Variants in MGLL observed in about 807,000 individuals in gnomAD.
The protein encoded by MGLL is lysophospholipase homolog.
A neutral mutation model predicts 29.1 loss-of-function variants in MGLL; 7 were observed. The observed-to-expected ratio is 0.24, with a 90% confidence interval of 0.14 to 0.45. The LOEUF (loss-of-function observed/expected upper bound fraction) is 0.45. Among genes scored for constraint, MGLL ranks in the 20% least tolerant of loss-of-function variants. The probability of loss-of-function intolerance (pLI) is 0.99; values close to 1 mark genes in which losing one functional copy is unlikely to be tolerated. For synonymous variants in MGLL, 148 were observed against 168.3 expected (o/e 0.88, Z 0.93); for missense variants, 356 against 413.6 (o/e 0.86, Z 1.21).
chr3:127,785,579 C>T (rs1161311801), intron 2 of MGLL, among the ~76,000 whole-genome samples: 1 of 152,238 alleles, frequency 6.6e-6, no homozygotes, highest in Admixed American at 6.5e-5. Context: ...CAAAGTTCAG[C>T]CAGAACAACC....
At chr3:127,806,069 C>T (rs2077559492) in intron 2 of MGLL, among the ~76,000 whole-genome samples, 1 of 152,232 alleles carries the variant, frequency 6.6e-6, no homozygotes, top group Non-Finnish European at 1.5e-5. Context: ...CCTGACAATG[C>T]CCATCTTTGT....
intron 3 of MGLL, among the ~76,000 whole-genome samples, chr3:127,759,618 C>T (rs1445392194): frequency 6.6e-6 from 1 of 152,192 alleles, no homozygotes; most frequent in Non-Finnish European, 1.5e-5. Flanking sequence ...GAATGTAATT[C>T]ACAGAAGCAG....
chr3:127,726,419 TA>T (rs1233155896), intron 3 of MGLL, among the ~76,000 whole-genome samples: 1 of 152,048 alleles, frequency 6.6e-6, no homozygotes, highest in Non-Finnish European at 1.5e-5. Context: ...GTAAAGGATC[TA>T]AAGGTTTTTT....
chr3:127,739,847 G>T (rs995052566), intron 3 of MGLL, among the ~76,000 whole-genome samples: 1 of 152,222 alleles, frequency 6.6e-6, no homozygotes, highest in East Asian at 1.9e-4. Flanking sequence ...CTCCAAGTGT[G>T]CATGCAGCCA....
At chr3:127,793,989 T>C (rs758293368) in intron 2 of MGLL, among the ~76,000 whole-genome samples, 1 of 152,240 alleles carries the variant, frequency 6.6e-6, no homozygotes, top group African/African-American at 2.4e-5. Context: ...CTATCTTCTA[T>C]GAAGTCCGGC....
intron 3 of MGLL, among the ~76,000 whole-genome samples, chr3:127,731,895 G>A (rs542450833): frequency 4.6e-5 from 7 of 152,212 alleles, no homozygotes; most frequent in African/African-American, 1.4e-4. Context: ...CAGATCCTAG[G>A]TACTCTTAAA....
chr3:127,724,810 C>T (rs540922851), intron 3 of MGLL, among the ~76,000 whole-genome samples: 15 of 152,316 alleles, frequency 9.8e-5, no homozygotes, highest in African/African-American at 3.1e-4. Flanking sequence ...GCATCTCTTC[C>T]GTATGTTTCT....
chr3:127,746,123 T>C (rs2076437360), intron 3 of MGLL, among the ~76,000 whole-genome samples: 1 of 151,968 alleles, frequency 6.6e-6, no homozygotes, highest in African/African-American at 2.4e-5. Flanking sequence ...CCAGGGAGAC[T>C]GGGGAAGAGG....
intron 3 of MGLL, among the ~76,000 whole-genome samples, chr3:127,778,042 T>A (rs1194476962): frequency 3.9e-5 from 6 of 152,170 alleles, no homozygotes; most frequent in Admixed American, 3.9e-4. Flanking sequence ...TTACCAGGCA[T>A]GCTGGAGACA....
intron 2 of MGLL, among the ~76,000 whole-genome samples, chr3:127,815,099 C>T (rs570705851): frequency 4.4e-4 from 67 of 152,204 alleles, no homozygotes; most frequent in African/African-American, 1.6e-3. Context: ...AAGCTGATTC[C>T]TTCCTTACCT....
intron 6 of MGLL, among the ~76,000 whole-genome samples, chr3:127,703,838 C>T (rs891600632): frequency 1.3e-5 from 2 of 152,134 alleles, no homozygotes; most frequent in African/African-American, 4.8e-5. Flanking sequence ...GGTTAATATC[C>T]AGAACATATA....
intron 3 of MGLL, among the ~76,000 whole-genome samples, chr3:127,773,644 C>T (rs2076985478): frequency 6.6e-6 from 1 of 152,186 alleles, no homozygotes; most frequent in Non-Finnish European, 1.5e-5. Flanking sequence ...GCACCCACAA[C>T]ATGTGGACTT....
chr3:127,748,012 T>C (rs2076480881), intron 3 of MGLL, among the ~76,000 whole-genome samples: 1 of 152,092 alleles, frequency 6.6e-6, no homozygotes, highest in South Asian at 2.1e-4. Context: ...CCACGTGAGA[T>C]TTCACGCGGG....
intron 6 of MGLL, among the ~76,000 whole-genome samples, chr3:127,698,441 C>A (rs1038110122): frequency 2.0e-5 from 3 of 152,216 alleles, no homozygotes; most frequent in Non-Finnish European, 2.9e-5. Context: ...CAGGCCCAAG[C>A]CCAGAACATG....
At chr3:127,716,856 AG>A (rs2075825864) in intron 5 of MGLL, among the ~76,000 whole-genome samples, 1 of 152,224 alleles carries the variant, frequency 6.6e-6, no homozygotes, top group African/African-American at 2.4e-5. Context: ...AGGTACCCTC[AG>A]GGTTGCCCCA....
At chr3:127,757,739 A>C (rs1305758339) in intron 3 of MGLL, among the ~76,000 whole-genome samples, 1 of 152,188 alleles carries the variant, frequency 6.6e-6, no homozygotes, top group African/African-American at 2.4e-5. Flanking sequence ...TGCCTCCGAG[A>C]GAGTGTTTCT....
At chr3:127,797,764 C>T (rs1312799661) in intron 2 of MGLL, among the ~76,000 whole-genome samples, 1 of 152,186 alleles carries the variant, frequency 6.6e-6, no homozygotes, top group East Asian at 1.9e-4. Flanking sequence ...CGAGCCACCA[C>T]TGCCCAGCTG....
At chr3:127,821,330 G>A (rs1271715295) in intron 2 of MGLL, among the ~76,000 whole-genome samples, 4 of 152,048 alleles carry the variant, frequency 2.6e-5, no homozygotes, top group East Asian at 1.9e-4. Context: ...GTATTACTTC[G>A]GGTTTCTCAT....
chr3:127,821,344 T>C (rs535894721), intron 2 of MGLL, among the ~76,000 whole-genome samples: 1 of 152,292 alleles, frequency 6.6e-6, no homozygotes, highest in African/African-American at 2.4e-5. Context: ...TTCTCATCCA[T>C]CTAGGGGATT....
Sources: allele counts gnomAD v4.1 joint callset (sites outside exome capture counted in the v4.1 genomes callset), GRCh38; gene constraint gnomAD v4.1.1; transcripts MANE v1.5; gene names NCBI Gene and HGNC (gene_info 2026-07-23, HGNC 2026-07-21).